The following SNED1 variants were observed in gnomAD, a reference collection of about 807,000 sequenced individuals.
The protein encoded by SNED1 is sushi, nidogen and EGF-like domain-containing protein 1.
Under a neutral mutation model 166.7 loss-of-function variants are expected in SNED1, and 81 were observed. The ratio of observed to expected loss-of-function variants is 0.49; its 90% CI spans 0.41 to 0.58. SNED1 has a LOEUF of 0.58. Among genes scored for constraint, SNED1 ranks in the 20% least tolerant of loss-of-function variants. The probability of loss-of-function intolerance (pLI) is 0.00; values close to 1 mark genes in which losing one functional copy is unlikely to be tolerated. For missense variants in SNED1, 1,604 were observed against 2,000.2 expected (o/e 0.80, Z 3.78); for synonymous variants, 762 against 822.0 (o/e 0.93, Z 1.25).
Position 241,037,334 on chromosome 2 carries a change from G to T in SNED1, c.1026G>T (p.Gly342=). Residue 342 remains glycine, a synonymous_variant, in exon 6 of 32, where the codon GGG becomes GGT. Coordinates refer to ENST00000310397, the MANE Select transcript of SNED1 (RefSeq NM_001080437.3). ...SFRCQCPAGF[G]GPTCETAQSP... ...GCTGCCAGTGCCCGGCTGGCTTTGG[G>T]GGACCCACCTGTGAGACAGGTAAGA... is the stretch of plus-strand genomic sequence containing the variant. 6.2e-7 allele frequency: 1 copy of T among 1,608,876 alleles called. No individual in the cohort carries two copies.
chr2:241,045,428 G>A (rs545115847), intron 8 of SNED1, among the ~76,000 whole-genome samples: 1 of 152,206 alleles, frequency 6.6e-6, no homozygotes, highest in East Asian at 1.9e-4. Flanking sequence ...GATCAATTCA[G>A]TGTGATATTG....
rs777713504 is a variant in SNED1, at chr2:241,094,425, C to G, written c.*2789C>G. 1.3e-5 allele frequency: 6 copies of G among 471,044 alleles called. No homozygotes were observed. Among genetic ancestry groups the G allele is most frequent in the African/African-American group, 1.0e-4 (5 of 50,048 alleles). 29.2% of individuals were successfully genotyped at this position (471,044 alleles called of 1,614,324 possible). A position where few individuals can be genotyped will look rare whatever the true frequency, so the allele number is the denominator to read the frequency against. ...TTTTCTTTGCAGTCACGCTGTAAGA[C>G]GAGGCTGCTGGAGAAAACAAAAGCA... On this transcript the variant is annotated 3_prime_UTR_variant, in exon 32 of 32. Transcript: ENST00000310397. The surrounding 1 kb of genome is among the most constrained non-coding windows in gnomAD (Gnocchi z 4.3).
intron 8 of SNED1, among the ~76,000 whole-genome samples, chr2:241,042,226 G>T (rs1463581168): frequency 6.6e-6 from 1 of 152,132 alleles, no homozygotes; most frequent in Non-Finnish European, 1.5e-5. Context: ...CTGCAAGGCT[G>T]GGGAAAGAAC....
intron 21 of SNED1, 65 bp downstream of exon 21, chr2:241,065,660 G>T: frequency 7.2e-7 from 1 of 1,394,800 alleles, no homozygotes; most frequent in Admixed American, 2.1e-5. Context: ...CGCTGGCCCC[G>T]GCACCTGCAG....
chr2:241,062,835 T>C lies in SNED1; in HGVS notation c.2302T>C (p.Cys768Arg). 1 of 1,612,204 alleles carries C rather than the reference T, an allele frequency of 6.2e-7. No homozygotes were observed. Among genetic ancestry groups the C allele is most frequent in the Non-Finnish European group, 8.5e-7 (1 of 1,179,316 alleles). The change falls in exon 17 of 32, where the codon TGT (cysteine) becomes CGT (arginine). Residue 768 changes from cysteine to arginine, a missense_variant. Physicochemically the swap from Cys to Arg is radical, Grantham distance 180. Around this residue, in one of 2 missense-constraint regions of SNED1, gnomAD observed 1,237 missense variants for 1,620.8 expected, o/e 0.76. Transcript: ENST00000310397. ...TCAGCCGTGCCTGCATGGGGGCTCT[T>C]GTCAGGACCGCGTTGCTGGGTACCT... Reference protein sequence around the residue: ...RSQPCLHGGSCQDRVAGYLCL... With the variant: ...RSQPCLHGGSRQDRVAGYLCL...
chr2:241,029,884 T>C (rs1371569103), intron 1 of SNED1, among the ~76,000 whole-genome samples: 1 of 152,240 alleles, frequency 6.6e-6, no homozygotes, highest in African/African-American at 2.4e-5. Context: ...GCTCAGATAC[T>C]GGGGCTCCGC....
Position 241,092,563 on chromosome 2 carries a change from T to A in SNED1, c.*927T>A, listed in dbSNP as rs1057418923. ...CACAAGGGTATCAAAGAAAGACCCCTGAATTTTCATGGAAAAAGCTATTCA... is the reference window on the plus strand; with the variant it reads ...CACAAGGGTATCAAAGAAAGACCCCAGAATTTTCATGGAAAAAGCTATTCA... On this transcript the variant is annotated 3_prime_UTR_variant, in exon 32 of 32. Transcript: ENST00000310397. This position sits in a 1 kb window ranked among gnomAD's most constrained non-coding sequence, Gnocchi z 4.6. 2.0e-5 allele frequency: 3 copies of A among 152,140 alleles called. No homozygotes were observed. Among genetic ancestry groups the A allele is most frequent in the African/African-American group, 7.2e-5 (3 of 41,436 alleles). 9.4% of individuals were successfully genotyped at this position (152,140 alleles called of 1,614,324 possible). A position where few individuals can be genotyped will look rare whatever the true frequency, so the allele number is the denominator to read the frequency against.
At chr2:241,009,614 G>A (rs2060324531) in intron 1 of SNED1, among the ~76,000 whole-genome samples, 1 of 152,138 alleles carries the variant, frequency 6.6e-6, no homozygotes, top group African/African-American at 2.4e-5. Flanking sequence ...CAGCACCTCA[G>A]TCTGCAGGAG....
At chr2:241,056,803 G>A (rs1227859785) in intron 16 of SNED1, among the ~76,000 whole-genome samples, 1 of 150,690 alleles carries the variant, frequency 6.6e-6, no homozygotes, top group African/African-American at 2.4e-5. Context: ...GGATGGTCTC[G>A]ATCTCCTGAC....
chr2:241,046,502 C>T (rs186500485), intron 8 of SNED1, among the ~76,000 whole-genome samples: 28 of 152,346 alleles, frequency 1.8e-4, no homozygotes, highest in East Asian at 1.2e-3. Context: ...CATACGACAA[C>T]TTAGATGGAT....
rs150762748 is a variant in SNED1, at chr2:241,034,057, C to T, written c.642+182C>T. Among the ~76,000 whole-genome samples the T allele has an allele frequency of 5.2e-3, 799 of 152,318 alleles. 5 individuals are homozygous for T. The highest frequency in any genetic ancestry group is 0.018 in the African/African-American group (749 of 41,560). ...CTCACTGCCCAAAAACAGAAACATC[C>T]TCAGGCCCAAAGGCACCTTTGTCCC... On this transcript the variant is annotated intron_variant, in intron 3 of 31. Coordinates refer to ENST00000310397, the MANE Select transcript of SNED1 (RefSeq NM_001080437.3).
At chr2:241,045,765 G>C (rs2061629683) in intron 8 of SNED1, among the ~76,000 whole-genome samples, 1 of 149,338 alleles carries the variant, frequency 6.7e-6, no homozygotes, top group Non-Finnish European at 1.5e-5. Context: ...TCTTAGATAA[G>C]ACAGCAAAAG....
intron 1 of SNED1, among the ~76,000 whole-genome samples, chr2:241,019,550 G>A (rs2060706932): frequency 6.6e-6 from 1 of 152,228 alleles, no homozygotes; most frequent in Non-Finnish European, 1.5e-5. Context: ...GGAGACTTTA[G>A]CCTGGTATGT....
chr2:241,073,642 T>G lies in SNED1; in HGVS notation c.3916+278T>G. On this transcript the variant is annotated intron_variant, in intron 27 of 31. Coordinates refer to ENST00000310397, the MANE Select transcript of SNED1 (RefSeq NM_001080437.3). The surrounding 1 kb of genome is among the most constrained non-coding windows in gnomAD (Gnocchi z 6.6). ...AGACTGGCTTTGATGCTGCCTCCCC[T>G]CCCCTCTCCTCCTTCGCCTCCACAT... is the stretch of plus-strand genomic sequence containing the variant. 8.0e-6 allele frequency: 4 copies of G among 503,070 alleles called. No homozygotes were observed. The highest frequency in any genetic ancestry group is 1.4e-5 in the Non-Finnish European group (4 of 283,546). 31.2% of individuals were successfully genotyped at this position (503,070 alleles called of 1,614,324 possible). A position where few individuals can be genotyped will look rare whatever the true frequency, so the allele number is the denominator to read the frequency against.
intron 21 of SNED1, among the ~76,000 whole-genome samples, 151 bp downstream of exon 21, chr2:241,065,746 C>T (rs1424721557): frequency 3.3e-5 from 5 of 152,196 alleles, no homozygotes; most frequent in African/African-American, 9.7e-5. Flanking sequence ...TTGGAGGCAC[C>T]GCCCTGCTGG....
chr2:241,014,240 C>T (rs2060503353), intron 1 of SNED1, among the ~76,000 whole-genome samples: 1 of 152,154 alleles, frequency 6.6e-6, no homozygotes, highest in African/African-American at 2.4e-5. Flanking sequence ...AACTCCTGGC[C>T]TCAGGTGATC....
intron 1 of SNED1, among the ~76,000 whole-genome samples, chr2:241,001,847 G>C (rs1481378537): frequency 1.3e-5 from 2 of 152,156 alleles, no homozygotes; most frequent in East Asian, 3.8e-4. Context: ...AGCAGAGGCA[G>C]GGAGGATTTG....
intron 31 of SNED1, chr2:241,089,907 T>C: frequency 1.3e-6 from 2 of 1,526,440 alleles, no homozygotes; most frequent in African/African-American, 2.8e-5. Flanking sequence ...CGTAACACAG[T>C]GCCAAGTGTG....
chr2:241,001,169 C>T (rs2060066629), intron 1 of SNED1, among the ~76,000 whole-genome samples: 1 of 152,228 alleles, frequency 6.6e-6, no homozygotes. Flanking sequence ...GACCCTCCAG[C>T]CCCCATCCCA....
Sources: gnomAD v4.1 joint callset for allele counts (sites outside exome capture counted in the v4.1 genomes callset) on GRCh38, gnomAD v4.1.1 for gene constraint, gnomAD v4.1.1 regional missense constraint, Gnocchi (gnomAD v3.1) non-coding constraint, MANE v1.5 for transcripts, NCBI Gene and HGNC (gene_info 2026-07-23, HGNC 2026-07-21) for gene names.